The following INTS6 variants were observed in gnomAD, a reference collection of about 807,000 sequenced individuals.
The protein encoded by INTS6 is DEAD box protein.
A neutral mutation model predicts 104.9 loss-of-function variants in INTS6; 16 were observed. The ratio of observed to expected loss-of-function variants is 0.15; its 90% confidence interval spans 0.10 to 0.23. The LOEUF (loss-of-function observed/expected upper bound fraction) is 0.23. Among genes scored for constraint, INTS6 ranks in the 10% least tolerant of loss-of-function variants. The pLI is 1.00. For synonymous variants in INTS6, 324 were observed against 358.7 expected (o/e 0.90, Z 1.09); for missense variants, 584 against 1,062.8 (o/e 0.55, Z 6.26).
rs940701927 is a variant in INTS6, at chr13:51,369,298, G to C, written c.2117C>G (p.Thr706Ser). The change falls in exon 16 of 18, where the codon ACT becomes AGT. Residue 706 changes from threonine to serine, a missense_variant. Thr to Ser is a moderately conservative substitution (Grantham distance 58). Around this residue, in one of 5 missense-constraint regions of INTS6, gnomAD observed 296 missense variants for 437.0 expected, o/e 0.68. Transcript: ENST00000311234. ...PLPLHKISET[T>S]NDSIIHDVVE... ...CACATCATGTATTATCGAATCATTA[G>C]TGGTTTCTGAAACTAAAAACAAAGA... The C allele has an allele frequency of 1.2e-5, 20 of 1,600,294 alleles. No individual in the cohort carries two copies. The Admixed American group carries it at 2.4e-4, about 19-fold the overall frequency.
the INTS6 span, among the ~76,000 whole-genome samples, chr13:51,346,079 T>C: frequency 6.6e-6 from 1 of 152,182 alleles, no homozygotes; most frequent in Non-Finnish European, 1.5e-5. Flanking sequence ...GGAATAATAA[T>C]AGAACTGTTA....
chr13:51,401,869 T>A (rs926845996), intron 4 of INTS6, among the ~76,000 whole-genome samples: 1 of 152,190 alleles, frequency 6.6e-6, no homozygotes, highest in African/African-American at 2.4e-5. Context: ...TCTGCATTTT[T>A]AAAAAATCAA....
chr13:51,427,509 A>G (rs935081353), intron 4 of INTS6, among the ~76,000 whole-genome samples: 1 of 152,170 alleles, frequency 6.6e-6, no homozygotes, highest in Admixed American at 6.5e-5. Context: ...AATATTTCAC[A>G]ATATCTCACA....
chr13:51,369,188 T>C lies in INTS6; in HGVS notation c.2227A>G (p.Ser743Gly). 1.2e-6 allele frequency: 2 copies of C among 1,613,904 alleles called. No individual in the cohort carries two copies. Among genetic ancestry groups the C allele is most frequent in the Non-Finnish European group, 1.7e-6 (2 of 1,179,862 alleles). ...DTEFSASSPA[S>G]LLERPTNHME... is the part of the protein sequence containing the mutation. The stretch of plus-strand genomic sequence containing the variant: ...TGATTGGTTGGCCGTTCCAGTAAAC[T>C]GGCTGGAGAAGATGCTGAAAATTCC... The change falls in exon 16 of 18, where the codon AGT becomes GGT. Residue 743 changes from serine (S) to glycine (G), a missense_variant. Physicochemically the swap from Ser to Gly is moderately conservative, Grantham distance 56 (BLOSUM62 0). Transcript: ENST00000311234.
chr13:51,418,273 T>A (rs1956830285), intron 4 of INTS6, among the ~76,000 whole-genome samples: 1 of 152,196 alleles, frequency 6.6e-6, no homozygotes, highest in African/African-American at 2.4e-5. Flanking sequence ...TTGTTTTGCA[T>A]TCTCTTTATT....
In INTS6 at chr13:51,414,868, ACAG is replaced by A. The variant is rs1410024978; in HGVS notation, c.429+15423_429+15425del. Among the ~76,000 whole-genome samples the A allele has an allele frequency of 5.3e-5, 8 of 151,394 alleles. No individual in the cohort carries two copies. The East Asian group carries it at 1.4e-3, about 26-fold the overall frequency. On this transcript the variant is annotated intron_variant, in intron 4 of 17. Transcript: ENST00000311234. Reference sequence around the variant, plus strand: ...CACACACACACACACACACACACACACAGTTCTAAGACTCAAGATTGAATTCCT... The same window carrying A: ...CACACACACACACACACACACACACATTCTAAGACTCAAGATTGAATTCCT...
the INTS6 span, chr13:51,341,071 G>A: frequency 6.2e-7 from 1 of 1,610,026 alleles, no homozygotes; most frequent in Non-Finnish European, 8.5e-7. Flanking sequence ...CCTCTGAATT[G>A]CAGGAACCCT....
chr13:51,448,558 G>C (rs1952970055), intron 3 of INTS6: 1 of 152,024 alleles, frequency 6.6e-6, no homozygotes, highest in African/African-American at 2.4e-5. Context: ...TTTATCTGTA[G>C]GTATGTTAAC....
At chr13:51,399,503 A>AT (rs1956397447) in intron 4 of INTS6, among the ~76,000 whole-genome samples, 1 of 152,206 alleles carries the variant, frequency 6.6e-6, no homozygotes, top group South Asian at 2.1e-4. Context: ...TTTGTGGAAA[A>AT]TATATGTATG....
At chr13:51,375,687 T>C (rs891281098) in intron 13 of INTS6, among the ~76,000 whole-genome samples, 11 of 151,872 alleles carry the variant, frequency 7.2e-5, no homozygotes, top group East Asian at 3.9e-4. Context: ...AAGAAAATGA[T>C]TGAGATAAGA....
intron 9 of INTS6, among the ~76,000 whole-genome samples, chr13:51,383,092 A>ACC (rs150302250): frequency 1.2e-4 from 12 of 97,164 alleles, no homozygotes; most frequent in East Asian, 3.3e-4. Context: ...TCCCTCCCCC[A>ACC]CCCCCCCGCA....
chr13:51,343,510 GTAAA>G, the INTS6 span, among the ~76,000 whole-genome samples: 2 of 152,218 alleles, frequency 1.3e-5, no homozygotes, highest in African/African-American at 4.8e-5. Context: ...TGTATAAACA[GTAAA>G]TAAATAGAAG....
the INTS6 span, chr13:51,348,532 T>G: frequency 2.7e-6 from 2 of 737,990 alleles, no homozygotes; most frequent in East Asian, 5.4e-5. Context: ...TTGTTTAATA[T>G]GTATCCCCAG....
chr13:51,430,267 A>G (rs746553667), intron 4 of INTS6, 27 bp downstream of exon 4: 39 of 1,577,806 alleles, frequency 2.5e-5, no homozygotes, highest in Non-Finnish European at 3.1e-5. Context: ...GCATTTGCAT[A>G]ATCCATGTAA....
At chr13:51,337,162 CA>C in the INTS6 span, among the ~76,000 whole-genome samples, 1 of 152,340 alleles carries the variant, frequency 6.6e-6, no homozygotes, top group East Asian at 1.9e-4. Flanking sequence ...CTCTTCATGG[CA>C]AAATCCTCAA....
At chr13:51,418,711 T>C (rs1294722250) in intron 4 of INTS6, among the ~76,000 whole-genome samples, 1 of 152,196 alleles carries the variant, frequency 6.6e-6, no homozygotes, top group Non-Finnish European at 1.5e-5. Flanking sequence ...TTAAGGTCAA[T>C]ATTTGTTCAG....
At chr13:51,350,350 C>A (rs931429834), downstream of INTS6, among the ~76,000 whole-genome samples, 2 of 152,074 alleles carry the variant, frequency 1.3e-5, no homozygotes, top group Admixed American at 1.3e-4. Context: ...AAGGAATAAT[C>A]AAGAAAACCA....
chr13:51,354,601 A>G (rs1445861822), intron 3 of INTS6, among the ~76,000 whole-genome samples: 1 of 152,088 alleles, frequency 6.6e-6, no homozygotes, highest in Non-Finnish European at 1.5e-5. Context: ...GAAAAAAAAA[A>G]AAAAGTGTTT....
chr13:51,431,655 C>T (rs1957092514), intron 3 of INTS6, among the ~76,000 whole-genome samples: 1 of 152,054 alleles, frequency 6.6e-6, no homozygotes, highest in Non-Finnish European at 1.5e-5. Context: ...GGAAGGGGGA[C>T]ATGTAATAGA....
Sources: gnomAD v4.1 joint callset for allele counts (sites outside exome capture counted in the v4.1 genomes callset) on GRCh38, gnomAD v4.1.1 for gene constraint, gnomAD v4.1.1 regional missense constraint, MANE v1.5 for transcripts, NCBI Gene and HGNC (gene_info 2026-07-23, HGNC 2026-07-21) for gene names.